Variants in PKNOX2 observed in about 807,000 individuals in gnomAD.
PKNOX2 encodes PBX/knotted 1 homeobox 2, also known as homeobox protein PKNOX2.
PKNOX2 carries 14 observed loss-of-function variants against 53.1 expected under a neutral mutation model. The observed-to-expected ratio is 0.26, with a 90% CI of 0.17 to 0.41. PKNOX2 has a LOEUF of 0.41. Ranked by LOEUF, PKNOX2 falls within the 10% of genes least tolerant of loss-of-function variation. PKNOX2 has a pLI of 1.00. For synonymous variants in PKNOX2, 257 were observed against 242.8 expected (o/e 1.06, Z -0.54); for missense variants, 496 against 602.8 (o/e 0.82, Z 1.85).
At chr11:125,400,565 C>T (rs1954685069) in intron 7 of PKNOX2, among the ~76,000 whole-genome samples, 1 of 152,216 alleles carries the variant, frequency 6.6e-6, no homozygotes, top group African/African-American at 2.4e-5. Flanking sequence ...GCCAATCTGA[C>T]TGTTCAAGGT....
intron 11 of PKNOX2, among the ~76,000 whole-genome samples, chr11:125,429,397 C>G (rs890768626): frequency 2.6e-5 from 4 of 152,236 alleles, no homozygotes; most frequent in African/African-American, 9.6e-5. Flanking sequence ...CAGAGACAGA[C>G]AGGATTGCCC....
intron 2 of PKNOX2, among the ~76,000 whole-genome samples, chr11:125,310,002 C>G (rs2136001945): frequency 6.6e-6 from 1 of 152,336 alleles, no homozygotes; most frequent in Non-Finnish European, 1.5e-5. Flanking sequence ...TCAAGCTACT[C>G]TTCTTCATCC....
chr11:125,275,694 G>C (rs981780811), intron 2 of PKNOX2, among the ~76,000 whole-genome samples: 1 of 152,162 alleles, frequency 6.6e-6, no homozygotes, highest in African/African-American at 2.4e-5. Flanking sequence ...CACCTGAATG[G>C]AGAGTTTTAC....
At chr11:125,167,222 T>C (rs1052987801) in intron 1 of PKNOX2, among the ~76,000 whole-genome samples, 1 of 150,212 alleles carries the variant, frequency 6.7e-6, no homozygotes, top group Non-Finnish European at 1.5e-5. Flanking sequence ...AGGAGGGCAT[T>C]GAGGGGAGGA....
intron 5 of PKNOX2, among the ~76,000 whole-genome samples, chr11:125,371,537 C>CCTA (rs1456732062): frequency 6.6e-6 from 1 of 152,032 alleles, no homozygotes; most frequent in Admixed American, 6.5e-5. Context: ...TTTCCCTCCC[C>CCTA]CTCCTCCCCT....
intron 3 of PKNOX2, among the ~76,000 whole-genome samples, chr11:125,344,204 C>T (rs1212125561): frequency 6.6e-6 from 1 of 152,174 alleles, no homozygotes; most frequent in Non-Finnish European, 1.5e-5. Context: ...AGGCTGGGGT[C>T]AGTGAGTGCA....
chr11:125,282,096 C>T (rs1946597264), intron 2 of PKNOX2, among the ~76,000 whole-genome samples: 1 of 152,208 alleles, frequency 6.6e-6, no homozygotes. Context: ...TCTGGGGTGC[C>T]ACTGCTCAGC....
chr11:125,416,851 T>G (rs937576564), intron 10 of PKNOX2, among the ~76,000 whole-genome samples: 1 of 152,074 alleles, frequency 6.6e-6, no homozygotes, highest in Non-Finnish European at 1.5e-5. Flanking sequence ...ATTCTTTGGT[T>G]CCCTTTGTCC....
chr11:125,314,565 G>A (rs1394276400), intron 2 of PKNOX2, among the ~76,000 whole-genome samples: 1 of 152,174 alleles, frequency 6.6e-6, no homozygotes, highest in Admixed American at 6.5e-5. Flanking sequence ...CTGACCTGCA[G>A]TCAGTGGGGA....
chr11:125,270,608 G>A (rs543185965), intron 2 of PKNOX2, among the ~76,000 whole-genome samples: 173 of 152,094 alleles, frequency 1.1e-3, no homozygotes, highest in Non-Finnish European at 2.1e-3. Context: ...ATAATGAGGG[G>A]ACAGCTAATA....
At chr11:125,224,068 G>A (rs1941459992) in intron 1 of PKNOX2, among the ~76,000 whole-genome samples, 1 of 152,220 alleles carries the variant, frequency 6.6e-6, no homozygotes, top group South Asian at 2.1e-4. Context: ...CTTTGCCCCT[G>A]GACGCTGCTA....
At position 125,317,508 on chromosome 11, in the gene PKNOX2, G is replaced by A. The variant is rs981872548; in HGVS notation, c.-129-14311G>A. On this transcript the variant is annotated intron_variant, in intron 2 of 12. Transcript: ENST00000298282. ...GGGCTGCAGAATGGATGTTGTGTTA[G>A]CAGGCACTAAAACTACATTAATCTC... Among the ~76,000 whole-genome samples, 2 of 152,220 alleles carry A rather than the reference G, an allele frequency of 1.3e-5. 1 individual carries two copies. The highest frequency in any genetic ancestry group is 2.9e-5 in the Non-Finnish European group (2 of 68,042).
rs541798445 is a variant in PKNOX2, at chr11:125,389,597, G to A, written c.399+3875G>A. ...AGCTGGGCCCACAGATCCCCTCCTT[G>A]GGCCCACCAGCCTCTGACTGGCAGT... On this transcript the variant is annotated intron_variant, in intron 6 of 12. Transcript: ENST00000298282. Among the ~76,000 whole-genome samples, 3 of 152,152 alleles carry A rather than the reference G, an allele frequency of 2.0e-5. No homozygotes were observed. The South Asian group carries it at 6.2e-4, about 32-fold the overall frequency.
chr11:125,411,462 TTCTC>T (rs3028442), intron 9 of PKNOX2: 22,843 of 249,910 alleles, frequency 0.091, 232 homozygotes, highest in East Asian at 0.1. Flanking sequence ...TCCTCTGTCT[TTCTC>T]TCTCTCTCTC....
At chr11:125,195,883 G>GCACACA (rs56021315) in intron 1 of PKNOX2, among the ~76,000 whole-genome samples, 13,018 of 143,740 alleles carry the variant, frequency 0.091, 733 homozygotes, top group South Asian at 0.16. Context: ...ATATGTACAT[G>GCACACA]CACACACACA....
At chr11:125,256,507 C>T (rs1002924295) in intron 2 of PKNOX2, among the ~76,000 whole-genome samples, 10 of 152,102 alleles carry the variant, frequency 6.6e-5, no homozygotes, top group East Asian at 1.9e-4. Flanking sequence ...CATTTGGGGC[C>T]GGGGAAGGGC....
intron 3 of PKNOX2, among the ~76,000 whole-genome samples, chr11:125,341,308 A>G (rs1158713363): frequency 6.6e-6 from 1 of 151,730 alleles, no homozygotes; most frequent in Non-Finnish European, 1.5e-5. Flanking sequence ...GTAAGCCGAG[A>G]TCGTGCCACT....
intron 1 of PKNOX2, among the ~76,000 whole-genome samples, chr11:125,209,734 TTGTTGTGGAAAA>T (rs1939602240): frequency 6.6e-6 from 1 of 152,008 alleles, no homozygotes; most frequent in Non-Finnish European, 1.5e-5. Flanking sequence ...AGAGCCATCT[TTGTTGTGGAAAA>T]ACAAATAAAG....
rs755919728 is a variant in PKNOX2, at chr11:125,166,473, C to G, written c.-201+1697C>G. On this transcript the variant is annotated intron_variant, in intron 1 of 12. Transcript: ENST00000298282. The surrounding 1 kb of genome is among the most constrained non-coding windows in gnomAD (Gnocchi z 4.0). ...GATCGAAGAGACCTTCTGGGCGAAG[C>G]GGCAGGGCAGCCTCGCGGGGCTGGG... Among the ~76,000 whole-genome samples, 2 of 152,206 alleles carry G rather than the reference C, an allele frequency of 1.3e-5. No individual in the cohort carries two copies. Among genetic ancestry groups the G allele is most frequent in the Non-Finnish European group, 2.9e-5 (2 of 68,028 alleles).
Sources: allele counts gnomAD v4.1 joint callset (sites outside exome capture counted in the v4.1 genomes callset), GRCh38; gene constraint gnomAD v4.1.1; non-coding constraint Gnocchi (gnomAD v3.1); transcripts MANE v1.5; gene names NCBI Gene and HGNC (gene_info 2026-07-23, HGNC 2026-07-21).